The following PTGER3 variants were observed in gnomAD, a reference collection of about 807,000 sequenced individuals.
PTGER3 encodes the protein prostaglandin E2 receptor EP3 subtype.
A neutral mutation model predicts 34.7 loss-of-function variants in PTGER3; 22 were observed. The ratio of observed to expected loss-of-function variants is 0.63; its 90% CI spans 0.45 to 0.91. The LOEUF (loss-of-function observed/expected upper bound fraction) is 0.91, where lower values mean the gene tolerates loss of function less well. Among genes scored for constraint, PTGER3 ranks in the 40% least tolerant of loss-of-function variants. The pLI, the probability that PTGER3 is intolerant of heterozygous loss-of-function variation, is 0.00. For missense variants in PTGER3, 468 were observed against 519.4 expected (o/e 0.90, Z 0.96); for synonymous variants, 241 against 230.1 (o/e 1.05, Z -0.43).
intron 4 of PTGER3, among the ~76,000 whole-genome samples, chr1:70,874,062 CTGA>C: frequency 6.6e-6 from 1 of 152,106 alleles, no homozygotes; most frequent in Non-Finnish European, 1.5e-5. Context: ...TGTTTTAGAC[CTGA>C]TGTTACAAAT....
chr1:71,035,603 C>T (rs1033650760), intron 1 of PTGER3, among the ~76,000 whole-genome samples: 13 of 152,242 alleles, frequency 8.5e-5, no homozygotes, highest in African/African-American at 2.9e-4. Flanking sequence ...CATTAGGCAA[C>T]CTTAAGTGGT....
rs567365105 is a variant in PTGER3, at chr1:70,932,975, C to T, written c.*23+20788G>A. ...TAGACTGAAGGCAGAGTCAGGGGTT[C>T]TCTCAGTAACTATACTAAATTATAT... On this transcript the variant is annotated intron_variant, in intron 4 of 4. Coordinates refer to the PTGER3 transcript ENST00000370931. Among the ~76,000 whole-genome samples the T allele has an allele frequency of 5.9e-4, 90 of 152,144 alleles. No individual in the cohort carries two copies. The South Asian group carries it at 0.019, about 32-fold the overall frequency.
At chr1:71,008,116 T>C (rs1271220252) in intron 2 of PTGER3, 4 of 980,408 alleles carry the variant, frequency 4.1e-6, no homozygotes, top group Non-Finnish European at 4.8e-6. Flanking sequence ...TGTCTGTTAC[T>C]TTCTTTCTGT....
chr1:70,905,189 T>C (rs992631203), intron 4 of PTGER3, among the ~76,000 whole-genome samples: 17 of 152,180 alleles, frequency 1.1e-4, no homozygotes, highest in African/African-American at 3.6e-4. Context: ...TTTCAGAAGA[T>C]GTATGGAAAC....
chr1:70,962,484 A>T (rs1652036570), intron 2 of PTGER3, among the ~76,000 whole-genome samples: 1 of 148,486 alleles, frequency 6.7e-6, no homozygotes, highest in Admixed American at 6.7e-5. Flanking sequence ...GGCAATCTAT[A>T]AAAAAAAAAG....
intron 2 of PTGER3, among the ~76,000 whole-genome samples, chr1:70,996,336 A>G (rs1291624582): frequency 1.3e-5 from 2 of 152,176 alleles, no homozygotes; most frequent in Non-Finnish European, 2.9e-5. Flanking sequence ...TCTCTGAGAC[A>G]AAATAATGTC....
chr1:70,953,584 G>T (rs1420151192), intron 3 of PTGER3, among the ~76,000 whole-genome samples: 2 of 152,122 alleles, frequency 1.3e-5, no homozygotes, highest in African/African-American at 2.4e-5. Context: ...TGTTGTTGTT[G>T]TTGCTGCTGC....
intron 2 of PTGER3, chr1:71,008,130 A>G: frequency 3.1e-6 from 3 of 978,452 alleles, no homozygotes; most frequent in Non-Finnish European, 3.6e-6. Context: ...TTTCTGTGAA[A>G]GAATGGATAA....
At chr1:70,879,539 C>T (rs922422729) in intron 4 of PTGER3, among the ~76,000 whole-genome samples, 53 of 152,244 alleles carry the variant, frequency 3.5e-4, no homozygotes, top group South Asian at 1.0e-3. Flanking sequence ...TGAGCCACAA[C>T]GTCTAGCCTC....
At chr1:70,883,707 A>G (rs1034571236) in intron 4 of PTGER3, among the ~76,000 whole-genome samples, 33 of 152,214 alleles carry the variant, frequency 2.2e-4, no homozygotes, top group Non-Finnish European at 4.0e-4. Context: ...AAATAAAAAC[A>G]TTTTAGAGTT....
chr1:70,870,965 T>C (rs1002800457), intron 4 of PTGER3, among the ~76,000 whole-genome samples: 1 of 152,226 alleles, frequency 6.6e-6, no homozygotes, highest in Admixed American at 6.5e-5. Flanking sequence ...CATCTTCTTG[T>C]CACCTAGTTC....
Position 70,864,297 on chromosome 1 carries a change from C to A in PTGER3, c.*24-11438G>T, listed in dbSNP as rs146826471. On this transcript the variant is annotated intron_variant, in intron 4 of 4. Coordinates refer to the PTGER3 transcript ENST00000370931. The stretch of plus-strand genomic sequence containing the variant: ...TCAGGTAATTAATGTGCTGTTATTT[C>A]ATGTCTGTGTCCTCTGCTAGAATGC... Among the ~76,000 whole-genome samples the A allele has an allele frequency of 1.6e-3, 247 of 152,176 alleles. 1 individual carries two copies. Among genetic ancestry groups the A allele is most frequent in the African/African-American group, 5.7e-3 (237 of 41,518 alleles).
intron 1 of PTGER3, among the ~76,000 whole-genome samples, chr1:71,015,260 C>A (rs1176725641): frequency 1.3e-5 from 2 of 152,048 alleles, no homozygotes; most frequent in African/African-American, 4.8e-5. Flanking sequence ...GACAGATAGA[C>A]AATACTAGCA....
chr1:70,931,218 G>A (rs143309808), intron 4 of PTGER3, among the ~76,000 whole-genome samples: 1,556 of 152,330 alleles, frequency 0.01, 26 homozygotes, highest in African/African-American at 0.035. Flanking sequence ...TGATGCAAGA[G>A]GTGGGTTCCC....
At chr1:70,928,637 CA>C (rs1442193082) in intron 4 of PTGER3, among the ~76,000 whole-genome samples, 1 of 151,716 alleles carries the variant, frequency 6.6e-6, no homozygotes, top group African/African-American at 2.4e-5. Flanking sequence ...CGTCTGAAAA[CA>C]AAACAAAACA....
intron 2 of PTGER3, among the ~76,000 whole-genome samples, chr1:70,990,223 G>T (rs950107648): frequency 1.1e-4 from 17 of 151,252 alleles, no homozygotes; most frequent in Non-Finnish European, 2.1e-4. Flanking sequence ...CAGGCGTGGT[G>T]GCGGGCACCT....
At chr1:70,938,711 A>G (rs2100533165) in intron 4 of PTGER3, among the ~76,000 whole-genome samples, 1 of 152,228 alleles carries the variant, frequency 6.6e-6, no homozygotes, top group South Asian at 2.1e-4. Context: ...GAAACCCCTG[A>G]TAAACCCATC....
Position 71,009,322 on chromosome 1 carries a change from A to C in PTGER3, c.1077+2983T>G, listed in dbSNP as rs925810798. On this transcript the variant is annotated intron_variant, in intron 2 of 3. Coordinates refer to ENST00000306666, the MANE Select transcript of PTGER3 (RefSeq NM_198719.2). ...GTCGGATATTTCATAAAATAAAGAA[A>C]TGTAAGTAGAAATATATGTATACCC... The C allele has an allele frequency of 5.1e-6, 5 of 983,046 alleles. No individual in the cohort carries two copies. In the African/African-American group the frequency reaches 8.7e-5, roughly 17 times the overall value. 60.9% of individuals were successfully genotyped at this position (983,046 alleles called of 1,614,324 possible). A position where few individuals can be genotyped will look rare whatever the true frequency, so the allele number is the denominator to read the frequency against.
intron 2 of PTGER3, among the ~76,000 whole-genome samples, chr1:71,002,709 A>T (rs1029954908): frequency 2.0e-5 from 3 of 152,160 alleles, no homozygotes; most frequent in African/African-American, 7.2e-5. Context: ...TGCCAATATT[A>T]TTTCTCCAAA....
Sources: allele counts gnomAD v4.1 joint callset (sites outside exome capture counted in the v4.1 genomes callset), GRCh38; gene constraint gnomAD v4.1.1; transcripts MANE v1.5; gene names NCBI Gene and HGNC (gene_info 2026-07-23, HGNC 2026-07-21).